Variants in RPS6KC1 observed in about 807,000 individuals in gnomAD.
RPS6KC1 encodes ribosomal protein S6 kinase C1.
In RPS6KC1, 54 loss-of-function variants were observed where a neutral mutation model predicts 103.8. That is an observed-to-expected ratio of 0.52 (90% confidence interval 0.42 to 0.65). The LOEUF is 0.65. Among genes scored for constraint, RPS6KC1 ranks in the 30% least tolerant of loss-of-function variants. The pLI, the probability that RPS6KC1 is intolerant of heterozygous loss-of-function variation, is 0.00. For missense variants in RPS6KC1, 1,151 were observed against 1,253.8 expected, an observed-to-expected ratio of 0.92 and a Z score of 1.24; for synonymous variants, 439 against 438.7, an observed-to-expected ratio of 1.00 and a Z score of -0.01.
Position 213,232,126 on chromosome 1 carries a change from C to T in RPS6KC1, c.1096C>T (p.Leu366=). Residue 366 remains leucine (L), a synonymous_variant, in exon 10 of 15, where the codon CTA becomes TTA. Coordinates refer to ENST00000366960, the MANE Select transcript of RPS6KC1 (RefSeq NM_012424.6). ...TGACCTTTTTGTTCTCTGTCAGGGT[C>T]TAAGGAAAAGCAGTGAATACAGCAG... ...RTEQTFILKG[L]RKSSEYSRNR... 6.2e-7 allele frequency: 1 copy of T among 1,613,658 alleles called. No individual in the cohort carries two copies. Among genetic ancestry groups the T allele is most frequent in the Non-Finnish European group, 8.5e-7 (1 of 1,179,786 alleles).
the RPS6KC1 span, among the ~76,000 whole-genome samples, chr1:213,391,580 G>T: frequency 6.6e-6 from 1 of 152,184 alleles, no homozygotes; most frequent in East Asian, 1.9e-4. Flanking sequence ...AATACAGGTG[G>T]TAAAGAGGCT....
the RPS6KC1 span, among the ~76,000 whole-genome samples, chr1:213,409,374 C>G: frequency 6.6e-6 from 1 of 152,092 alleles, no homozygotes; most frequent in Non-Finnish European, 1.5e-5. Context: ...CTGAGGAAGG[C>G]CAGGTATGCC....
the RPS6KC1 span, among the ~76,000 whole-genome samples, chr1:213,554,328 A>G: frequency 6.6e-6 from 1 of 152,170 alleles, no homozygotes; most frequent in Non-Finnish European, 1.5e-5. Context: ...TCACATGGTT[A>G]TCAGTGTGTG....
the RPS6KC1 span, among the ~76,000 whole-genome samples, chr1:213,662,225 GA>G: frequency 0.12 from 18,160 of 150,446 alleles, 1,383 homozygotes; most frequent in East Asian, 0.27. Flanking sequence ...TGTGTGCCTA[GA>G]AAAAAAAAAA....
the RPS6KC1 span, among the ~76,000 whole-genome samples, chr1:213,845,824 T>G: frequency 5.6e-4 from 86 of 152,216 alleles, 1 homozygote; most frequent in African/African-American, 2.0e-3. Flanking sequence ...AATACCTGCC[T>G]CATAGAGTTA....
chr1:213,741,852 C>T, the RPS6KC1 span, among the ~76,000 whole-genome samples: 8 of 151,970 alleles, frequency 5.3e-5, no homozygotes, highest in Admixed American at 3.3e-4. Flanking sequence ...CTGGGAAGCT[C>T]GGTATGCTCA....
the RPS6KC1 span, among the ~76,000 whole-genome samples, chr1:213,443,542 T>C: frequency 6.6e-6 from 1 of 152,132 alleles, no homozygotes; most frequent in African/African-American, 2.4e-5. Flanking sequence ...GGAAACGTGC[T>C]GGGCTGGGTT....
At chr1:213,302,367 G>A in the RPS6KC1 span, among the ~76,000 whole-genome samples, 1 of 152,268 alleles carries the variant, frequency 6.6e-6, no homozygotes, top group East Asian at 1.9e-4. Context: ...GACCTGAGAA[G>A]TTACCTAGTC....
chr1:213,478,655 A>G, the RPS6KC1 span, among the ~76,000 whole-genome samples: 1 of 152,134 alleles, frequency 6.6e-6, no homozygotes, highest in Admixed American at 6.5e-5. Flanking sequence ...CCATTTGTGT[A>G]TCTTCTTTGG....
At chr1:213,390,689 T>C in the RPS6KC1 span, among the ~76,000 whole-genome samples, 17 of 152,184 alleles carry the variant, frequency 1.1e-4, no homozygotes, top group East Asian at 5.8e-4. Flanking sequence ...TGGTTTCTCA[T>C]TGGGCTGAAA....
chr1:213,067,994 G>T (rs1019180757), intron 1 of RPS6KC1, among the ~76,000 whole-genome samples: 5 of 152,138 alleles, frequency 3.3e-5, no homozygotes, highest in South Asian at 2.1e-4. Context: ...CTTATATTAA[G>T]GAAGATTATT....
At position 213,188,212 on chromosome 1, in the gene RPS6KC1, G is replaced by A. The variant is rs115747569; in HGVS notation, c.1044+11720G>A. On this transcript the variant is annotated intron_variant, in intron 8 of 14. Transcript: ENST00000366960. ...GTCACGATGCTTCCCATGGATTAAG[G>A]TGGGGACAAGTCTCCTGCTTGGGAA... Among the ~76,000 whole-genome samples the A allele has an allele frequency of 3.2e-3, 481 of 152,126 alleles. 4 individuals are homozygous for A. The highest frequency in any genetic ancestry group is 0.011 in the African/African-American group (456 of 41,500).
At chr1:213,843,992 A>C in the RPS6KC1 span, among the ~76,000 whole-genome samples, 1 of 148,084 alleles carries the variant, frequency 6.8e-6, no homozygotes, top group East Asian at 1.9e-4. Flanking sequence ...AGTGATATTC[A>C]GCTAGGGGGA....
the RPS6KC1 span, among the ~76,000 whole-genome samples, chr1:213,791,466 T>C: frequency 6.6e-6 from 1 of 152,154 alleles, no homozygotes; most frequent in Non-Finnish European, 1.5e-5. Context: ...CTGTGCTAGG[T>C]ACTATTTCTA....
rs985461441 is a variant in RPS6KC1 at position 213,091,119 on chromosome 1, G to A, written c.262+13303G>A. On this transcript the variant is annotated intron_variant, in intron 3 of 14. Transcript: ENST00000366960. ...GTTGTCCAGGCTGGAGTGTAGTGGC[G>A]TGATCTCGGCTTACTGCAAGCTCTG... 5.3e-5 allele frequency among the ~76,000 whole-genome samples: 8 copies of A among 151,824 alleles called. No individual in the cohort carries two copies. The East Asian group carries it at 1.2e-3, about 22-fold the overall frequency.
rs140417800 is a variant in RPS6KC1, at chr1:213,258,099, G to A, written c.2912-3459G>A. 2.1e-3 allele frequency among the ~76,000 whole-genome samples: 316 copies of A among 151,850 alleles called. 6 individuals are homozygous for A. In the East Asian group the frequency reaches 0.045, roughly 22 times the overall value. On this transcript the variant is annotated intron_variant, in intron 12 of 14. Coordinates refer to ENST00000366960, the MANE Select transcript of RPS6KC1 (RefSeq NM_012424.6). ...TGGGTTCAAGCAATTCCTCTGCCTC[G>A]GCCTCCCGAGTAGCTGGGACTACAG...
the RPS6KC1 span, among the ~76,000 whole-genome samples, chr1:213,474,009 A>G: frequency 1.3e-5 from 2 of 152,084 alleles, no homozygotes; most frequent in African/African-American, 4.8e-5. Flanking sequence ...AGAACCAAGC[A>G]CTTCCCTCTC....
the RPS6KC1 span, among the ~76,000 whole-genome samples, chr1:213,646,207 T>C: frequency 2.6e-5 from 4 of 152,266 alleles, no homozygotes; most frequent in South Asian, 6.2e-4. Flanking sequence ...GTCTATTTGG[T>C]TTTGATAAGC....
the RPS6KC1 span, among the ~76,000 whole-genome samples, chr1:213,495,860 T>C: frequency 6.6e-6 from 1 of 152,208 alleles, no homozygotes; most frequent in South Asian, 2.1e-4. Flanking sequence ...TTAAAAGATA[T>C]AAATACAAAC....
Sources: gnomAD v4.1 joint callset for allele counts (sites outside exome capture counted in the v4.1 genomes callset) on GRCh38, gnomAD v4.1.1 for gene constraint, MANE v1.5 for transcripts, NCBI Gene and HGNC (gene_info 2026-07-23, HGNC 2026-07-21) for gene names.